Variants in DGKB observed in about 807,000 individuals in gnomAD.
DGKB encodes the protein 90 kDa diacylglycerol kinase.
Under a neutral mutation model 114.3 loss-of-function variants are expected in DGKB, and 67 were observed. The ratio of observed to expected loss-of-function variants is 0.59; its 90% CI spans 0.48 to 0.72. DGKB has a LOEUF of 0.72. DGKB is among the 30% of genes least tolerant of loss of function. The pLI is 0.00. For missense variants in DGKB, 907 were observed against 975.2 expected, an observed-to-expected ratio of 0.93 and a Z score of 0.93; for synonymous variants, 398 against 323.1, an observed-to-expected ratio of 1.23 and a Z score of -2.49.
chr7:14,937,756 G>A (rs1317760020), intron 1 of DGKB, among the ~76,000 whole-genome samples: 1 of 146,746 alleles, frequency 6.8e-6, no homozygotes, highest in Non-Finnish European at 1.5e-5. Context: ...CCCTGAGACA[G>A]CAAAAACAAC....
chr7:14,337,910 TGAA>T (rs1810964932), intron 23 of DGKB, among the ~76,000 whole-genome samples: 2 of 152,170 alleles, frequency 1.3e-5, no homozygotes, highest in Non-Finnish European at 2.9e-5. Context: ...ACAATAGAGT[TGAA>T]AATTCTGACC....
intron 21 of DGKB, among the ~76,000 whole-genome samples, chr7:14,400,566 T>C (rs1248483771): frequency 6.6e-6 from 1 of 151,812 alleles, no homozygotes; most frequent in Non-Finnish European, 1.5e-5. Context: ...AAAATAATCC[T>C]GCTTTTCAGC....
At chr7:14,348,239 C>A (rs547906335) in intron 21 of DGKB, among the ~76,000 whole-genome samples, 81 of 151,856 alleles carry the variant, frequency 5.3e-4, no homozygotes, top group Admixed American at 9.9e-4. Context: ...AGAATGGATA[C>A]AAATGGACTC....
chr7:14,946,895 T>A (rs1409160335), intron 1 of DGKB, among the ~76,000 whole-genome samples: 2 of 151,838 alleles, frequency 1.3e-5, no homozygotes, highest in Admixed American at 1.3e-4. Flanking sequence ...ATCATCAAAC[T>A]CACATTTATT....
At chr7:14,293,330 A>C (rs1473143399) in intron 23 of DGKB, among the ~76,000 whole-genome samples, 2 of 152,150 alleles carry the variant, frequency 1.3e-5, no homozygotes. Context: ...TTCTATTTGT[A>C]CCTGCCTAGA....
At chr7:14,925,785 T>G (rs1053380229) in intron 1 of DGKB, among the ~76,000 whole-genome samples, 1 of 152,116 alleles carries the variant, frequency 6.6e-6, no homozygotes, top group Non-Finnish European at 1.5e-5. Context: ...TGTTCCAAGG[T>G]ATTGTTTGGT....
intron 20 of DGKB, among the ~76,000 whole-genome samples, chr7:14,527,599 T>A (rs909968234): frequency 6.6e-6 from 1 of 152,088 alleles, no homozygotes; most frequent in Non-Finnish European, 1.5e-5. Context: ...TCTATATAAA[T>A]CATTTTTGGA....
chr7:14,942,256 A>G (rs1391156305), intron 1 of DGKB, among the ~76,000 whole-genome samples: 3 of 151,964 alleles, frequency 2.0e-5, no homozygotes, highest in Middle Eastern at 3.2e-3. Context: ...AATGAAGAGA[A>G]GTCTTCATCC....
chr7:14,191,765 C>G (rs1784353795), intron 23 of DGKB: 1 of 338,624 alleles, frequency 3.0e-6, no homozygotes, highest in Admixed American at 3.5e-5. Flanking sequence ...AAATGACCCA[C>G]CAATGGAAAC....
At chr7:14,832,234 G>C (rs1846521535) in intron 2 of DGKB, among the ~76,000 whole-genome samples, 1 of 151,970 alleles carries the variant, frequency 6.6e-6, no homozygotes. Context: ...ATAAACAATT[G>C]ATATAGACTC....
chr7:14,672,968 G>A lies in DGKB; in HGVS notation c.1095C>T (p.Asp365=), dbSNP rs1202799938. ...KPECDCGPLK[D]HILPPTTICP... ...AGATTGTTGTGGGTGGTAAAATATG[G>A]TCCTTCAAAGGTCCACAGTCACATT... The change falls in exon 13 of 26, where the codon GAC becomes GAT. Residue 365 remains aspartate (D), a synonymous_variant. Coordinates refer to ENST00000402815, the MANE Select transcript of DGKB (RefSeq NM_001350709.2). The A allele has an allele frequency of 6.3e-7, 1 of 1,578,280 alleles. No individual in the cohort carries two copies. Among genetic ancestry groups the A allele is most frequent in the African/African-American group, 1.3e-5 (1 of 74,394 alleles).
At chr7:14,825,604 A>T (rs1200402981) in intron 2 of DGKB, among the ~76,000 whole-genome samples, 2 of 152,122 alleles carry the variant, frequency 1.3e-5, no homozygotes, top group Admixed American at 6.6e-5. Flanking sequence ...AGCGATGGCG[A>T]GTGGCTGTAA....
intron 20 of DGKB, among the ~76,000 whole-genome samples, chr7:14,492,467 G>C (rs551955740): frequency 3.0e-4 from 45 of 152,120 alleles, no homozygotes; most frequent in African/African-American, 1.1e-3. Context: ...AAAAACAAAG[G>C]TCTAGTCTTC....
chr7:14,446,655 CT>C (rs1237838818), intron 21 of DGKB, among the ~76,000 whole-genome samples: 1 of 152,132 alleles, frequency 6.6e-6, no homozygotes, highest in Non-Finnish European at 1.5e-5. Context: ...TTTCCTCTTA[CT>C]TAGCTCAATA....
intron 13 of DGKB, among the ~76,000 whole-genome samples, chr7:14,659,150 C>A (rs1369491151): frequency 6.6e-6 from 1 of 151,826 alleles, no homozygotes; most frequent in Non-Finnish European, 1.5e-5. Context: ...TAACTCTATT[C>A]TTAAAGGCTC....
At chr7:14,890,804 C>G (rs1337776243) in intron 1 of DGKB, among the ~76,000 whole-genome samples, 1 of 150,722 alleles carries the variant, frequency 6.6e-6, no homozygotes, top group Non-Finnish European at 1.5e-5. Flanking sequence ...AAATAACGTT[C>G]ATCCCTCCTC....
intron 21 of DGKB, among the ~76,000 whole-genome samples, chr7:14,470,786 G>T (rs1781167914): frequency 6.6e-6 from 1 of 151,532 alleles, no homozygotes; most frequent in Non-Finnish European, 1.5e-5. Context: ...GTACATTAAA[G>T]ATTCTTACAG....
At chr7:14,317,033 C>A (rs1338779478) in intron 23 of DGKB, among the ~76,000 whole-genome samples, 2 of 55,996 alleles carry the variant, frequency 3.6e-5, no homozygotes, top group African/African-American at 1.2e-4. Flanking sequence ...AAGACAAAAA[C>A]CACATGATTA....
chr7:14,595,609 TATAA>T (rs1184144058), intron 17 of DGKB, among the ~76,000 whole-genome samples: 1 of 149,954 alleles, frequency 6.7e-6, no homozygotes, highest in Non-Finnish European at 1.5e-5. Flanking sequence ...TATAAATATG[TATAA>T]ATAAATACTT....
Sources: allele counts gnomAD v4.1 joint callset (sites outside exome capture counted in the v4.1 genomes callset), GRCh38; gene constraint gnomAD v4.1.1; transcripts MANE v1.5; gene names NCBI Gene and HGNC (gene_info 2026-07-23, HGNC 2026-07-21).